WNT7A: variants seen among roughly 807,000 people sequenced by gnomAD.
The protein encoded by WNT7A is protein Wnt-7a.
A neutral mutation model predicts 28.2 loss-of-function variants in WNT7A; 16 were observed. The ratio of observed to expected loss-of-function variants is 0.57; its 90% CI spans 0.38 to 0.86. WNT7A has a LOEUF of 0.86. Among genes scored for constraint, WNT7A ranks in the 40% least tolerant of loss-of-function variants. The pLI is 0.00. For missense variants in WNT7A, 411 were observed against 489.7 expected (o/e 0.84, Z 1.52); for synonymous variants, 190 against 195.9 (o/e 0.97, Z 0.25).
At chr3:13,840,627 T>TCCAC (rs532759684) in intron 3 of WNT7A, among the ~76,000 whole-genome samples, 1,846 of 151,622 alleles carry the variant, frequency 0.012, 19 homozygotes, top group African/African-American at 0.023. Context: ...CATCCATCCA[T>TCCAC]CCACCCATTC....
At chr3:13,872,160 GT>G (rs1178799850) in intron 2 of WNT7A, among the ~76,000 whole-genome samples, 2 of 152,110 alleles carry the variant, frequency 1.3e-5, no homozygotes, top group African/African-American at 4.8e-5. Flanking sequence ...AAATAACTTG[GT>G]GAATGCATGA....
Position 13,819,371 on chromosome 3 carries a change from G to A in WNT7A, c.623C>T (p.Ser208Leu), listed in dbSNP as rs747487610. The change falls in exon 4 of 4, where the codon TCG becomes TTG. Residue 208 changes from serine (S) to leucine (L), a missense_variant. Physicochemically the swap from Ser to Leu is moderately radical, Grantham distance 145 (BLOSUM62 -2). Transcript: ENST00000285018. ...LECKCHGVSG[S>L]CTTKTCWTTL... ...GGTCCAGCACGTCTTGGTGGTGCAC[G>A]AGCCTGACACGCCGTGGCACTTACA... is the stretch of plus-strand genomic sequence containing the variant. The A allele has an allele frequency of 1.2e-6, 2 of 1,613,588 alleles. No homozygotes were observed. Among genetic ancestry groups the A allele is most frequent in the South Asian group, 1.1e-5 (1 of 90,962 alleles).
Position 13,854,769 on chromosome 3 carries a change from A to T in WNT7A, c.333T>A (p.Ile111=), listed in dbSNP as rs1694703196. The T allele has an allele frequency of 1.2e-6, 2 of 1,613,590 alleles. No homozygotes were observed. Among genetic ancestry groups the T allele is most frequent in the African/African-American group, 2.7e-5 (2 of 74,944 alleles). The change falls in exon 3 of 4, where the codon ATT becomes ATA. Residue 111 remains isoleucine (I), a synonymous_variant. Transcript: ENST00000285018. ...SREAAFTYAI[I]AAGVAHAITA... is the part of the protein sequence containing the mutation. Reference sequence around the variant, plus strand: ...TGATGGCGTGGGCCACGCCGGCGGCAATGATGGCGTAGGTGAACGCAGCCT... The same window carrying T: ...TGATGGCGTGGGCCACGCCGGCGGCTATGATGGCGTAGGTGAACGCAGCCT...
rs765300297 is a variant in WNT7A, at chr3:13,816,999, A to G, written c.*1945T>C. ...ACCATGCAACCATCCAGTCACTTTTATTTGCCCATGCTGTGATCCAGGCTC... is the reference window on the plus strand; with the variant it reads ...ACCATGCAACCATCCAGTCACTTTTGTTTGCCCATGCTGTGATCCAGGCTC... On this transcript the variant is annotated 3_prime_UTR_variant, in exon 4 of 4. Transcript: ENST00000285018. 1.3e-5 allele frequency: 2 copies of G among 152,094 alleles called. No homozygotes were observed. Among genetic ancestry groups the G allele is most frequent in the Non-Finnish European group, 2.9e-5 (2 of 68,020 alleles). 9.4% of individuals were successfully genotyped at this position (152,094 alleles called of 1,614,324 possible).
intron 2 of WNT7A, among the ~76,000 whole-genome samples, chr3:13,869,819 G>A (rs1695004324): frequency 6.6e-6 from 1 of 152,126 alleles, no homozygotes; most frequent in Non-Finnish European, 1.5e-5. Context: ...AACTGATGTG[G>A]GGCCACACAC....
chr3:13,836,076 G>A (rs1354012392), intron 3 of WNT7A, among the ~76,000 whole-genome samples: 3 of 151,994 alleles, frequency 2.0e-5, no homozygotes, highest in African/African-American at 7.3e-5. Flanking sequence ...GGGGTGCTGA[G>A]AAGTTTCAAA....
rs1010109272 is a variant in WNT7A, at chr3:13,817,254, A to T, written c.*1690T>A. 4.6e-5 allele frequency: 7 copies of T among 152,252 alleles called. No individual in the cohort carries two copies. The highest frequency in any genetic ancestry group is 1.3e-4 in the Admixed American group (2 of 15,288). The allele number at this position is 152,252 out of a possible 1,614,324, so 9.4% of individuals were successfully genotyped here. Reference sequence around the variant, plus strand: ...AAGCAGAGACTCTGGGGAGCAGCAGATGCAAAGGCATGCAGCTCCATGCCT... The same window carrying T: ...AAGCAGAGACTCTGGGGAGCAGCAGTTGCAAAGGCATGCAGCTCCATGCCT... On this transcript the variant is annotated 3_prime_UTR_variant, in exon 4 of 4. Coordinates refer to ENST00000285018, the MANE Select transcript of WNT7A (RefSeq NM_004625.4).
chr3:13,878,397 C>A (rs1159435907), intron 1 of WNT7A, among the ~76,000 whole-genome samples: 1 of 152,154 alleles, frequency 6.6e-6, no homozygotes, highest in Non-Finnish European at 1.5e-5. Context: ...GGGGCGCGGG[C>A]CAAGATGAAG....
chr3:13,846,797 G>A (rs1029883354), intron 3 of WNT7A, among the ~76,000 whole-genome samples: 1 of 152,122 alleles, frequency 6.6e-6, no homozygotes, highest in Admixed American at 6.5e-5. Context: ...ACACCTTCCT[G>A]AGGCTGCTCC....
Position 13,854,692 on chromosome 3 carries a change from TTCTCTTTGTCGCAGCCA to T in WNT7A, c.393_409del (p.Cys131Ter), listed in dbSNP as rs771215115. On this transcript the variant is annotated stop_gained and frameshift_variant, in exon 3 of 4. Coordinates refer to ENST00000285018, the MANE Select transcript of WNT7A (RefSeq NM_004625.4). LOFTEE classifies it high-confidence loss of function. The stretch of plus-strand genomic sequence containing the variant: ...CTCGTCCCGGTGGTACTGGCCTTGC[TTCTCTTTGTCGCAGCCA>T]CAGTCGCTCAGGTTGCCCTGGGTAC... 2 of 1,614,198 alleles carry T rather than the reference TTCTCTTTGTCGCAGCCA, an allele frequency of 1.2e-6. No homozygotes were observed. Among genetic ancestry groups the T allele is most frequent in the Non-Finnish European group, 1.7e-6 (2 of 1,180,050 alleles).
intron 2 of WNT7A, among the ~76,000 whole-genome samples, chr3:13,867,655 C>A (rs890853988): frequency 6.6e-6 from 1 of 152,160 alleles, no homozygotes; most frequent in Admixed American, 6.6e-5. Flanking sequence ...GAGGAGCCCA[C>A]TCACCCCAAG....
chr3:13,848,010 G>A (rs964555789), intron 3 of WNT7A, among the ~76,000 whole-genome samples: 3 of 151,688 alleles, frequency 2.0e-5, no homozygotes, highest in Non-Finnish European at 2.9e-5. Context: ...AAATAAAAAC[G>A]TAACATACAA....
chr3:13,834,465 G>T (rs773882862), intron 3 of WNT7A, among the ~76,000 whole-genome samples: 1 of 151,986 alleles, frequency 6.6e-6, no homozygotes, highest in Admixed American at 6.6e-5. Context: ...TCGGGTGTAC[G>T]GGGCTCCTTT....
chr3:13,818,887 CG>C lies in WNT7A; in HGVS notation c.*56del. The C allele has an allele frequency of 6.6e-7, 1 of 1,521,018 alleles. No homozygotes were observed. Among genetic ancestry groups the C allele is most frequent in the Middle Eastern group, 2.3e-4 (1 of 4,282 alleles). The allele number at this position is 1,521,018 out of a possible 1,614,324, so 94.2% of individuals were successfully genotyped here. On this transcript the variant is annotated 3_prime_UTR_variant, in exon 4 of 4. Coordinates refer to ENST00000285018, the MANE Select transcript of WNT7A (RefSeq NM_004625.4). ...TGCCAGGGAGCCCGCAGCTTGGAAACGGTCCAGTCCTCCCAGCAATCTGACT... is the reference window on the plus strand; with the variant it reads ...TGCCAGGGAGCCCGCAGCTTGGAAACGTCCAGTCCTCCCAGCAATCTGACT...
Position 13,817,470 on chromosome 3 carries a change from A to C in WNT7A, c.*1474T>G, listed in dbSNP as rs571559914. On this transcript the variant is annotated 3_prime_UTR_variant, in exon 4 of 4. Coordinates refer to ENST00000285018, the MANE Select transcript of WNT7A (RefSeq NM_004625.4). ...CACACACACACACACACACACACACACCGGAAATGCAAACGGACACATATT... is the reference window on the plus strand; with the variant it reads ...CACACACACACACACACACACACACCCCGGAAATGCAAACGGACACATATT... 5.9e-4 allele frequency: 86 copies of C among 145,326 alleles called. No homozygotes were observed. The highest frequency in any genetic ancestry group is 9.8e-4 in the Non-Finnish European group (66 of 67,604). 9.0% of individuals were successfully genotyped at this position (145,326 alleles called of 1,614,324 possible).
intron 3 of WNT7A, among the ~76,000 whole-genome samples, chr3:13,834,885 C>G (rs759990651): frequency 6.6e-6 from 1 of 152,192 alleles, no homozygotes; most frequent in Non-Finnish European, 1.5e-5. Context: ...GGCAAGGACC[C>G]GGTCTGTCCA....
chr3:13,873,078 G>T (rs1392260930), intron 2 of WNT7A, among the ~76,000 whole-genome samples: 2 of 152,092 alleles, frequency 1.3e-5, no homozygotes, highest in Admixed American at 1.3e-4. Flanking sequence ...CGACAAGCAA[G>T]GGGAGGCTCA....
chr3:13,857,697 G>C (rs1294253180), intron 2 of WNT7A, among the ~76,000 whole-genome samples: 3 of 152,044 alleles, frequency 2.0e-5, no homozygotes, highest in African/African-American at 7.2e-5. Flanking sequence ...TCACACTCGA[G>C]AGTATCAAAC....
At position 13,818,758 on chromosome 3, in the gene WNT7A, A is replaced by G. The variant is rs989911614; in HGVS notation, c.*186T>C. 5 of 911,082 alleles carry G rather than the reference A, an allele frequency of 5.5e-6. No homozygotes were observed. The African/African-American group carries it at 6.7e-5, about 12-fold the overall frequency. The allele number at this position is 911,082 out of a possible 1,614,324, so 56.4% of individuals were successfully genotyped here. ...GAGGGTGGAGCAGCATTGGGTGTGG[A>G]ACAGAATAGTTGAGGGCTCTGAGAG... On this transcript the variant is annotated 3_prime_UTR_variant, in exon 4 of 4. Coordinates refer to ENST00000285018, the MANE Select transcript of WNT7A (RefSeq NM_004625.4).
Sources: gnomAD v4.1 joint callset for allele counts (sites outside exome capture counted in the v4.1 genomes callset) on GRCh38, gnomAD v4.1.1 for gene constraint, MANE v1.5 for transcripts, NCBI Gene and HGNC (gene_info 2026-07-23, HGNC 2026-07-21) for gene names.